SYNE2: variants seen among roughly 807,000 people sequenced by gnomAD.
SYNE2 encodes the protein nesprin-2.
Under a neutral mutation model 856.3 loss-of-function variants are expected in SYNE2, and 431 were observed. The observed-to-expected ratio is 0.50, with a 90% CI of 0.47 to 0.55. SYNE2 has a LOEUF of 0.55. Among genes scored for constraint, SYNE2 ranks in the 20% least tolerant of loss-of-function variants. SYNE2 has a pLI of 0.00. For missense variants in SYNE2, 8,129 were observed against 8,023.2 expected (o/e 1.01, Z -0.50); for synonymous variants, 2,923 against 2,872.3 (o/e 1.02, Z -0.56).
At position 64,027,675 on chromosome 14, in the gene SYNE2, T is replaced by G; in HGVS notation, c.6596T>G (p.Leu2199Arg). 6.2e-7 allele frequency: 1 copy of G among 1,614,072 alleles called. No homozygotes were observed. Among genetic ancestry groups the G allele is most frequent in the Non-Finnish European group, 8.5e-7 (1 of 1,179,952 alleles). ...AAAGCCCAAGATTTGACATCCTTGC[T>G]AAAGGAGTTAAAATCTCAGGGAAAC... is the stretch of plus-strand genomic sequence containing the variant. ...LKKAQDLTSL[L>R]KELKSQGNYL... The change falls in exon 43 of 116, where the codon CTA becomes CGA. Residue 2199 changes from leucine (L) to arginine (R), a missense_variant. This residue lies in a region of SYNE2 where 297 missense variants were observed against 380.9 expected (regional missense o/e 0.78). Transcript: ENST00000555002.
At chr14:63,918,212 G>C (rs2095554998) in intron 2 of SYNE2, among the ~76,000 whole-genome samples, 1 of 152,164 alleles carries the variant, frequency 6.6e-6, no homozygotes, top group African/African-American at 2.4e-5. Flanking sequence ...AAACTAAGAA[G>C]TTAATATAGT....
At chr14:63,852,812 A>G (rs1890663048), upstream of SYNE2, among the ~76,000 whole-genome samples, 1 of 152,054 alleles carries the variant, frequency 6.6e-6, no homozygotes, top group Non-Finnish European at 1.5e-5. Flanking sequence ...ACCACCTCTG[A>G]TGTCCCAAAA....
chr14:63,846,075 G>T (rs1890220755), intron 1 of SYNE2, among the ~76,000 whole-genome samples: 1 of 139,192 alleles, frequency 7.2e-6, no homozygotes, highest in African/African-American at 2.7e-5. Flanking sequence ...TTGAGACAAG[G>T]TTCTGGCTCT....
At chr14:63,996,090 C>G (rs1018624904) in intron 23 of SYNE2, among the ~76,000 whole-genome samples, 2 of 152,176 alleles carry the variant, frequency 1.3e-5, no homozygotes, top group African/African-American at 4.8e-5. Flanking sequence ...TCAAATTCAG[C>G]AAGCTCAAAA....
rs1595156253 is a variant in SYNE2, at chr14:64,052,440, A to T, written c.8527A>T (p.Ile2843Leu). 1.2e-6 allele frequency: 2 copies of T among 1,613,098 alleles called. No individual in the cohort carries two copies. Among genetic ancestry groups the T allele is most frequent in the Non-Finnish European group, 8.5e-7 (1 of 1,179,608 alleles). ...LEERSNFFAIIRKFQLMVQES... is the reference protein window; with the variant it reads ...LEERSNFFAILRKFQLMVQES... The stretch of plus-strand genomic sequence containing the variant: ...AGAAAGAAGCAATTTTTTTGCTATA[A>T]TAAGGAAGTTTCAACTTATGGTTCA... The change falls in exon 48 of 116, where the codon ATA becomes TTA. Residue 2843 changes from isoleucine to leucine, a missense_variant. Around this residue, in one of 3 missense-constraint regions of SYNE2, gnomAD observed 5,410 missense variants for 5,284.8 expected, o/e 1.02. Transcript: ENST00000555002.
At chr14:63,938,330 C>G (rs769582209) in intron 2 of SYNE2, among the ~76,000 whole-genome samples, 1 of 152,112 alleles carries the variant, frequency 6.6e-6, no homozygotes, top group Non-Finnish European at 1.5e-5. Context: ...GCAGTACACG[C>G]CTGTAGTCCC....
intron 58 of SYNE2, among the ~76,000 whole-genome samples, chr14:64,088,907 A>G (rs1203438740): frequency 1.3e-5 from 2 of 152,258 alleles, no homozygotes; most frequent in Non-Finnish European, 2.9e-5. Flanking sequence ...AAATGCTTCT[A>G]TAATGTTTGA....
chr14:63,915,959 T>C (rs1002972937), intron 2 of SYNE2, among the ~76,000 whole-genome samples: 1 of 151,986 alleles, frequency 6.6e-6, no homozygotes, highest in Non-Finnish European at 1.5e-5. Flanking sequence ...TTAATTTTAT[T>C]CATTTACTCT....
chr14:63,948,896 CAG>C (rs2096100273), intron 6 of SYNE2, among the ~76,000 whole-genome samples: 1 of 146,220 alleles, frequency 6.8e-6, no homozygotes, highest in African/African-American at 2.5e-5. Flanking sequence ...TCAGTGTGGT[CAG>C]AGAGCATACT....
rs1438070141 is a variant in SYNE2, at chr14:64,158,729, C to T, written c.15897C>T (p.Cys5299=). 6.2e-7 allele frequency: 1 copy of T among 1,614,006 alleles called. No individual in the cohort carries two copies. The highest frequency in any genetic ancestry group is 8.5e-7 in the Non-Finnish European group (1 of 1,179,936). Residue 5299 remains cysteine (C), a synonymous_variant, in exon 86 of 116, where the codon TGC becomes TGT. Transcript: ENST00000555002. ...VNMMTIRFWY[C]MEHSKPVVLS... is the part of the protein sequence containing the mutation. Reference sequence around the variant, plus strand: ...TGATGACAATCCGATTCTGGTACTGCATGGAACACAGCAAGCCTGTGGTGT... The same window carrying T: ...TGATGACAATCCGATTCTGGTACTGTATGGAACACAGCAAGCCTGTGGTGT...
rs1449658376 is a variant in SYNE2, at chr14:64,032,708, G to T, written c.7221+1351G>T. 2.6e-5 allele frequency among the ~76,000 whole-genome samples: 4 copies of T among 152,086 alleles called. No individual in the cohort carries two copies. In the East Asian group the frequency reaches 7.7e-4, roughly 29 times the overall value. On this transcript the variant is annotated intron_variant, in intron 45 of 115. Transcript: ENST00000555002. ...CTGCCTCAGCCTCCTGAGTAGCTGGGATTACAGGCATGTGCCACCACGCCT... is the reference window on the plus strand; with the variant it reads ...CTGCCTCAGCCTCCTGAGTAGCTGGTATTACAGGCATGTGCCACCACGCCT...
Position 63,815,181 on chromosome 14 carries a change from CAT to C in SYNE2, c.-304-37311_-304-37310del, listed in dbSNP as rs780030841. ...ATCCATATATATCCACATATATATC[CAT>C]ATATATATCCATATATATATCCATA... On this transcript the variant is annotated intron_variant, in intron 1 of 23. Coordinates refer to the SYNE2 transcript ENST00000674003. Among the ~76,000 whole-genome samples the C allele has an allele frequency of 2.5e-4, 13 of 52,626 alleles. 1 individual carries two copies. Among genetic ancestry groups the C allele is most frequent in the East Asian group, 1.8e-3 (2 of 1,108 alleles). 34.5% of individuals were successfully genotyped at this position (52,626 alleles called of 152,430 possible). A position where few individuals can be genotyped will look rare whatever the true frequency, so the allele number is the denominator to read the frequency against.
At chr14:63,767,002 A>T (rs8008070) in intron 1 of SYNE2, among the ~76,000 whole-genome samples, 34,940 of 151,936 alleles carry the variant, frequency 0.23, 4,874 homozygotes, top group African/African-American at 0.4. Context: ...TAAATACACC[A>T]TATCAAGCAG....
In SYNE2 at chr14:63,997,175, A is replaced by C. The variant is rs1278361406; in HGVS notation, c.3152+17A>C. On this transcript the variant is annotated intron_variant, in intron 24 of 115. Transcript: ENST00000555002. ...GAAAAACGAGTTAGTACTTCATAAG[A>C]ATAGCTACCCTTCAGGATAAAACGA... 1.9e-6 allele frequency: 3 copies of C among 1,609,824 alleles called. No homozygotes were observed. The highest frequency in any genetic ancestry group is 1.7e-6 in the Non-Finnish European group (2 of 1,176,524).
intron 57 of SYNE2, among the ~76,000 whole-genome samples, chr14:64,082,672 A>G (rs1428297318): frequency 6.6e-6 from 1 of 152,196 alleles, no homozygotes; most frequent in Non-Finnish European, 1.5e-5. Context: ...GGCTCCCTGT[A>G]AGGAGGACTC....
At chr14:63,949,720 GACT>G in intron 6 of SYNE2, 102 bp from the exon 7 acceptor site, 1 of 1,118,628 alleles carries the variant, frequency 8.9e-7, no homozygotes, top group Non-Finnish European at 1.4e-6. Context: ...AGTAAACTAT[GACT>G]GTCACAGGAT....
At chr14:64,119,681 G>T (rs1265048163) in intron 67 of SYNE2, 72 bp downstream of exon 67, 1 of 1,529,188 alleles carries the variant, frequency 6.5e-7, no homozygotes, top group Non-Finnish European at 8.9e-7. Context: ...GAGAACTCTG[G>T]TTGGAAGTGA....
intron 2 of SYNE2, among the ~76,000 whole-genome samples, chr14:63,919,408 C>G (rs989211100): frequency 6.6e-6 from 1 of 152,060 alleles, no homozygotes; most frequent in African/African-American, 2.4e-5. Flanking sequence ...GGAAGCGGGT[C>G]CAATCTGAGG....
At chr14:63,770,673 C>G (rs1886866677) in intron 1 of SYNE2, among the ~76,000 whole-genome samples, 1 of 151,918 alleles carries the variant, frequency 6.6e-6, no homozygotes, top group Non-Finnish European at 1.5e-5. Flanking sequence ...ACCTGTGGTC[C>G]CAGCTATTCA....
Sources: allele counts gnomAD v4.1 joint callset (sites outside exome capture counted in the v4.1 genomes callset), GRCh38; gene constraint gnomAD v4.1.1; regional missense constraint gnomAD v4.1.1; transcripts MANE v1.5; gene names NCBI Gene and HGNC (gene_info 2026-07-23, HGNC 2026-07-21).